The following MID1 variants were observed in gnomAD, a reference collection of about 807,000 sequenced individuals.
The protein encoded by MID1 is midline 1.
Under a neutral mutation model 40.4 loss-of-function variants are expected in MID1, and 7 were observed. The ratio of observed to expected loss-of-function variants is 0.17; its 90% CI spans 0.10 to 0.33. The LOEUF (loss-of-function observed/expected upper bound fraction) is 0.33. Among genes scored for constraint, MID1 ranks in the 10% least tolerant of loss-of-function variants. MID1 has a pLI of 1.00. For synonymous variants in MID1, 229 were observed against 221.2 expected (o/e 1.04, Z -0.31); for missense variants, 367 against 558.5 (o/e 0.66, Z 3.46).
intron 5 of MID1, among the ~76,000 whole-genome samples, chrX:10,481,307 T>C (rs1406880552): frequency 8.9e-6 from 1 of 112,466 alleles, no homozygotes; most frequent in Non-Finnish European, 1.9e-5. Flanking sequence ...GATTCTATTA[T>C]TGCTTTGGAT....
intron 5 of MID1, among the ~76,000 whole-genome samples, chrX:10,479,182 T>C (rs1338039653): frequency 8.9e-6 from 1 of 112,182 alleles, no homozygotes; most frequent in Non-Finnish European, 1.9e-5. Flanking sequence ...TTTTTTTAAA[T>C]AATTTTTTTA....
intron 1 of MID1, among the ~76,000 whole-genome samples, chrX:10,707,663 C>G (rs1316919164): frequency 8.9e-6 from 1 of 112,312 alleles, no homozygotes; most frequent in African/African-American, 3.2e-5. Context: ...GAATAATGCA[C>G]TATGCTAATT....
At chrX:10,800,434 T>C (rs1207176618) in intron 1 of MID1, among the ~76,000 whole-genome samples, 1 of 112,035 alleles carries the variant, frequency 8.9e-6, no homozygotes, top group Non-Finnish European at 1.9e-5. Context: ...GAGACCCTGA[T>C]CAGAAGATGC....
At chrX:10,746,073 T>C (rs761028215) in intron 1 of MID1, among the ~76,000 whole-genome samples, 3 of 111,591 alleles carry the variant, frequency 2.7e-5, no homozygotes, top group Non-Finnish European at 5.6e-5. Context: ...AAAGAGCTAA[T>C]ATTTGATACG....
At chrX:10,821,671 C>T (rs1336180293) in intron 1 of MID1, among the ~76,000 whole-genome samples, 1 of 112,707 alleles carries the variant, frequency 8.9e-6, no homozygotes, top group East Asian at 2.8e-4. Flanking sequence ...GTGTTTGTCT[C>T]ATTTCTTATT....
At chrX:10,758,774 C>T (rs2043654379) in intron 1 of MID1, among the ~76,000 whole-genome samples, 2 of 110,996 alleles carry the variant, frequency 1.8e-5, no homozygotes, top group South Asian at 7.6e-4. Flanking sequence ...AGGCTTGAGC[C>T]ACCGCGCCCG....
chrX:10,801,346 C>T (rs1289173550), intron 1 of MID1, among the ~76,000 whole-genome samples: 2 of 111,862 alleles, frequency 1.8e-5, no homozygotes, highest in African/African-American at 3.2e-5. Context: ...CAGCTTTAAA[C>T]TTCATAAACA....
intron 5 of MID1, among the ~76,000 whole-genome samples, chrX:10,479,364 GT>G (rs916524484): frequency 5.5e-5 from 6 of 110,082 alleles, no homozygotes; most frequent in Admixed American, 1.9e-4. Flanking sequence ...ACATTTTTAA[GT>G]TTTTTTTTAA....
intron 5 of MID1, among the ~76,000 whole-genome samples, chrX:10,478,736 GA>G (rs1930150101): frequency 8.9e-6 from 1 of 112,242 alleles, no homozygotes; most frequent in Admixed American, 9.5e-5. Flanking sequence ...TGAAATGAAA[GA>G]AAAATTTACA....
chrX:10,598,153 T>C (rs759182767), intron 1 of MID1, among the ~76,000 whole-genome samples: 3 of 112,046 alleles, frequency 2.7e-5, no homozygotes, highest in Non-Finnish European at 5.6e-5. Context: ...CCAGTGCTTC[T>C]TGGCACCAAC....
rs1035300203 is a variant in MID1, at chrX:10,449,143, A to ATTT, written c.*222_*224dup. The ATTT allele has an allele frequency of 8.4e-6, 3 of 358,182 alleles. No homozygotes were observed. Among genetic ancestry groups the ATTT allele is most frequent in the African/African-American group, 7.6e-5 (3 of 39,462 alleles). The allele number at this position is 358,182 out of a possible 1,213,427, so 29.5% of individuals were successfully genotyped here. A position where few individuals can be genotyped will look rare whatever the true frequency, so the allele number is the denominator to read the frequency against. On this transcript the variant is annotated 3_prime_UTR_variant, in exon 10 of 10. Coordinates refer to ENST00000317552, the MANE Select transcript of MID1 (RefSeq NM_000381.4). ...TGTTTCTCTTATAAATAATCTATAG[A>ATTT]TTTTCCTCTAAATACAAAAAAATTA...
intron 1 of MID1, among the ~76,000 whole-genome samples, chrX:10,668,526 A>AT (rs1310009966): frequency 8.9e-6 from 1 of 112,246 alleles, no homozygotes; most frequent in Non-Finnish European, 1.9e-5. Flanking sequence ...TTTACTTAGA[A>AT]GTTTTAGAAT....
At chrX:10,523,270 G>A (rs1353416089) in intron 2 of MID1, 83 bp from the exon 3 acceptor site, 3 of 660,574 alleles carry the variant, frequency 4.5e-6, no homozygotes, top group African/African-American at 2.2e-5. Flanking sequence ...CTCATTCTCA[G>A]GAAAAACTGA....
At chrX:10,738,318 C>G (rs973260379) in intron 1 of MID1, among the ~76,000 whole-genome samples, 3 of 111,896 alleles carry the variant, frequency 2.7e-5, no homozygotes, top group African/African-American at 9.8e-5. Context: ...GGTTGTAATC[C>G]TAAAGCAGAG....
In MID1 at chrX:10,801,632, A is replaced by G. The variant is rs188475088; in HGVS notation, c.-187+31922T>C. Among the ~76,000 whole-genome samples the G allele has an allele frequency of 6.5e-3, 725 of 112,163 alleles. 8 individuals are homozygous for G. Among genetic ancestry groups the G allele is most frequent in the African/African-American group, 0.023 (701 of 30,878 alleles). The stretch of plus-strand genomic sequence containing the variant: ...CATAGTCAATAAATGGTGCTGGGAT[A>G]GCTGGCTAGCCATATGCAAAAGAAT... On this transcript the variant is annotated intron_variant, in intron 1 of 10. Coordinates refer to the MID1 transcript ENST00000380785.
At chrX:10,467,140 T>C (rs1929429953) in intron 7 of MID1, among the ~76,000 whole-genome samples, 1 of 111,617 alleles carries the variant, frequency 9.0e-6, no homozygotes, top group Admixed American at 9.5e-5. Context: ...TAGGATATGA[T>C]ACTGCCTCAA....
At chrX:10,638,924 G>A (rs1415718357) in intron 1 of MID1, among the ~76,000 whole-genome samples, 1 of 112,372 alleles carries the variant, frequency 8.9e-6, no homozygotes, top group African/African-American at 3.2e-5. Flanking sequence ...GCAAACTCCA[G>A]CAGACCTGCA....
In MID1 at chrX:10,748,141, C is replaced by G. The variant is rs181979467; in HGVS notation, c.-187+85413G>C. On this transcript the variant is annotated intron_variant, in intron 1 of 10. Transcript: ENST00000380785. Reference sequence around the variant, plus strand: ...GTTGACAACTGGCTCCAGCTTCTCCCACCCAGCTGGCCTTTCTCCTGTTTA... The same window carrying G: ...GTTGACAACTGGCTCCAGCTTCTCCGACCCAGCTGGCCTTTCTCCTGTTTA... Among the ~76,000 whole-genome samples the G allele has an allele frequency of 1.6e-3, 179 of 110,900 alleles. 1 individual carries two copies. The highest frequency in any genetic ancestry group is 2.4e-3 in the Non-Finnish European group (126 of 52,975).
chrX:10,635,352 C>T (rs746330008), intron 1 of MID1, among the ~76,000 whole-genome samples: 17 of 112,296 alleles, frequency 1.5e-4, no homozygotes, highest in Non-Finnish European at 2.8e-4. Context: ...ATTTCAAATG[C>T]TTCTAATGAT....
Sources: allele counts gnomAD v4.1 joint callset (sites outside exome capture counted in the v4.1 genomes callset), GRCh38; gene constraint gnomAD v4.1.1; transcripts MANE v1.5; gene names NCBI Gene and HGNC (gene_info 2026-07-23, HGNC 2026-07-21).